Variants in BLTP3B observed in about 807,000 individuals in gnomAD.
The protein encoded by BLTP3B is bridge-like lipid transfer protein family member 3B, also known as UHRF1 (ICBP90) binding protein 1-like.
the BLTP3B span, chr12:100,142,718 T>G: frequency 6.5e-7 from 1 of 1,533,406 alleles, no homozygotes; most frequent in Non-Finnish European, 8.8e-7. Flanking sequence ...CTGTCCCGGC[T>G]AGCCCGGCCG....
At chr12:100,045,199 T>C in the BLTP3B span, among the ~76,000 whole-genome samples, 2 of 152,142 alleles carry the variant, frequency 1.3e-5, no homozygotes, top group African/African-American at 4.8e-5. Context: ...GATTCAATGC[T>C]ATCCCCATCA....
At chr12:100,107,562 G>A in the BLTP3B span, among the ~76,000 whole-genome samples, 2 of 151,602 alleles carry the variant, frequency 1.3e-5, no homozygotes, top group Non-Finnish European at 2.9e-5. Context: ...TTGAACCCGG[G>A]AGGCAGAGGT....
the BLTP3B span, chr12:100,097,606 T>C: frequency 7.7e-7 from 1 of 1,301,832 alleles, no homozygotes. Flanking sequence ...TCAGTTAATT[T>C]TCACATGACA....
chr12:100,112,247 G>T, the BLTP3B span, among the ~76,000 whole-genome samples: 1 of 152,270 alleles, frequency 6.6e-6, no homozygotes, highest in South Asian at 2.1e-4. Flanking sequence ...GAGAGGCCAA[G>T]GCAAGAAGAT....
the BLTP3B span, chr12:100,086,189 A>G: frequency 1.2e-6 from 1 of 852,236 alleles, no homozygotes; most frequent in Non-Finnish European, 1.7e-6. Context: ...GTTAACAAAT[A>G]AAAGCAAGAT....
At chr12:100,099,849 G>C in the BLTP3B span, among the ~76,000 whole-genome samples, 1 of 151,566 alleles carries the variant, frequency 6.6e-6, no homozygotes, top group South Asian at 2.1e-4. Flanking sequence ...GATCACTTGA[G>C]GCCAGGAGGT....
At chr12:100,130,949 C>CATACATACATACATACATACATAT in the BLTP3B span, among the ~76,000 whole-genome samples, 51 of 97,562 alleles carry the variant, frequency 5.2e-4, 2 homozygotes, top group African/African-American at 2.0e-3. Context: ...TACATACATA[C>CATACATACATACATACATACATAT]ATATATATAT....
the BLTP3B span, among the ~76,000 whole-genome samples, chr12:100,107,870 G>A: frequency 6.6e-6 from 1 of 152,042 alleles, no homozygotes; most frequent in Non-Finnish European, 1.5e-5. Context: ...AAGTAGCTGG[G>A]CCTACAGGCG....
chr12:100,071,494 CT>C, the BLTP3B span, among the ~76,000 whole-genome samples: 1 of 59,598 alleles, frequency 1.7e-5, no homozygotes, highest in Non-Finnish European at 3.1e-5. Flanking sequence ...AAGACTATGT[CT>C]CCAAAAAAAA....
chr12:100,072,595 T>A, the BLTP3B span: 4 of 1,233,484 alleles, frequency 3.2e-6, no homozygotes, highest in African/African-American at 6.4e-5. Flanking sequence ...TTTTCATATT[T>A]ATAAAACTCA....
At chr12:100,128,941 C>A in the BLTP3B span, among the ~76,000 whole-genome samples, 552 of 152,192 alleles carry the variant, frequency 3.6e-3, 5 homozygotes, top group African/African-American at 0.013. Context: ...GTTACTACTA[C>A]TCCCCAATTA....
chr12:100,116,763 T>C, the BLTP3B span, among the ~76,000 whole-genome samples: 1 of 152,094 alleles, frequency 6.6e-6, no homozygotes, highest in African/African-American at 2.4e-5. Flanking sequence ...GTAAGAAAAA[T>C]ATATAAAAGG....
the BLTP3B span, among the ~76,000 whole-genome samples, chr12:100,123,691 CTA>C: frequency 6.6e-6 from 1 of 152,010 alleles, no homozygotes; most frequent in Non-Finnish European, 1.5e-5. Context: ...ATTTTTTAAA[CTA>C]AAACCTAAAA....
chr12:100,047,475 G>A, the BLTP3B span: 26 of 1,355,858 alleles, frequency 1.9e-5, no homozygotes, highest in Non-Finnish European at 2.7e-5. Flanking sequence ...CTCAAGCCTG[G>A]GCAACAAGAG....
chr12:100,086,119 T>C, the BLTP3B span, among the ~76,000 whole-genome samples: 1 of 152,090 alleles, frequency 6.6e-6, no homozygotes, highest in Admixed American at 6.6e-5. Context: ...CCATGGCAAT[T>C]CTACTTTCTT....
the BLTP3B span, chr12:100,050,998 G>A: frequency 6.5e-7 from 1 of 1,546,418 alleles, no homozygotes; most frequent in African/African-American, 1.4e-5. Flanking sequence ...ATATATGAAT[G>A]TCTCAAAATA....
the BLTP3B span, chr12:100,097,534 T>C: frequency 6.4e-7 from 1 of 1,573,266 alleles, no homozygotes; most frequent in Non-Finnish European, 8.6e-7. Context: ...TTAACTTCAC[T>C]TACTCATGCA....
the BLTP3B span, chr12:100,083,191 C>A: frequency 7.9e-7 from 1 of 1,265,358 alleles, no homozygotes; most frequent in East Asian, 2.3e-5. Flanking sequence ...AACAGTCACT[C>A]TTTTATTATT....
chr12:100,088,093 G>A, the BLTP3B span, among the ~76,000 whole-genome samples: 1 of 152,026 alleles, frequency 6.6e-6, no homozygotes, highest in Non-Finnish European at 1.5e-5. Flanking sequence ...TAAGTATCCA[G>A]GGTCTCAATA....
Sources: gnomAD v4.1 joint callset for allele counts (sites outside exome capture counted in the v4.1 genomes callset) on GRCh38, gnomAD v4.1.1 for gene constraint, MANE v1.5 for transcripts, NCBI Gene and HGNC (gene_info 2026-07-23, HGNC 2026-07-21) for gene names.